PDE4D: variants seen among roughly 807,000 people sequenced by gnomAD.
PDE4D encodes the protein phosphodiesterase 4D, also known as 3',5'-cyclic-AMP phosphodiesterase 4D.
PDE4D carries 24 observed loss-of-function variants against 87.4 expected under a neutral mutation model. The observed-to-expected ratio is 0.27, with a 90% CI of 0.20 to 0.39. The LOEUF (loss-of-function observed/expected upper bound fraction) is 0.39. Among genes scored for constraint, PDE4D ranks in the 10% least tolerant of loss-of-function variants. The pLI is 1.00. For missense variants in PDE4D, 714 were observed against 1,041.0 expected, an observed-to-expected ratio of 0.69 and a Z score of 4.32; for synonymous variants, 384 against 383.2, an observed-to-expected ratio of 1.00 and a Z score of -0.02.
rs1382932617 is a variant in PDE4D at position 59,913,463 on chromosome 5, T to C, written c.272+75025A>G. ...AAATTACACATTCATAAGACTTCCA[T>C]TGGAGAGAGAAAAAGGAAGATATAC... On this transcript the variant is annotated intron_variant, in intron 3 of 16. Transcript: ENST00000502484. Among the ~76,000 whole-genome samples the C allele has an allele frequency of 3.9e-5, 6 of 152,104 alleles. No homozygotes were observed. The East Asian group carries it at 5.8e-4, about 15-fold the overall frequency.
chr5:59,212,618 T>A (rs1459099191), intron 2 of PDE4D, among the ~76,000 whole-genome samples: 4 of 152,076 alleles, frequency 2.6e-5, no homozygotes, highest in African/African-American at 9.7e-5. Context: ...AATATATGTA[T>A]ATATTTAATA....
chr5:59,619,073 CTT>C (rs755535467), intron 1 of PDE4D, among the ~76,000 whole-genome samples: 1 of 152,130 alleles, frequency 6.6e-6, no homozygotes, highest in Non-Finnish European at 1.5e-5. Flanking sequence ...ATATAAAAAA[CTT>C]TGGAGAATAC....
intron 1 of PDE4D, among the ~76,000 whole-genome samples, chr5:60,217,635 C>T (rs2149588572): frequency 6.6e-6 from 1 of 151,780 alleles, no homozygotes; most frequent in Middle Eastern, 3.4e-3. Context: ...AGGACACAGA[C>T]TGGAATCAGA....
intron 1 of PDE4D, among the ~76,000 whole-genome samples, chr5:59,554,315 A>G (rs1018611594): frequency 6.6e-6 from 1 of 152,078 alleles, no homozygotes; most frequent in African/African-American, 2.4e-5. Flanking sequence ...AATCTTCACA[A>G]CCACTTTATA....
At chr5:60,048,342 A>T (rs985403448) in intron 2 of PDE4D, among the ~76,000 whole-genome samples, 2 of 152,120 alleles carry the variant, frequency 1.3e-5, no homozygotes, top group Non-Finnish European at 2.9e-5. Context: ...GTGTCTTTTA[A>T]TTGGAGCATT....
intron 1 of PDE4D, among the ~76,000 whole-genome samples, chr5:60,238,942 G>A (rs555250262): frequency 6.6e-6 from 1 of 152,056 alleles, no homozygotes; most frequent in Admixed American, 6.6e-5. Context: ...AGGCCTTGGC[G>A]ATGATCTTGA....
At chr5:60,108,580 G>T (rs1343975413) in intron 2 of PDE4D, among the ~76,000 whole-genome samples, 1 of 152,132 alleles carries the variant, frequency 6.6e-6, no homozygotes, top group Non-Finnish European at 1.5e-5. Flanking sequence ...GAACAAAGCT[G>T]GAGGCATCAC....
intron 1 of PDE4D, among the ~76,000 whole-genome samples, chr5:59,249,329 C>T (rs1486087733): frequency 1.3e-5 from 2 of 152,036 alleles, no homozygotes; most frequent in African/African-American, 2.4e-5. Context: ...TGCAGCAGCA[C>T]AGTAAGATGA....
intron 1 of PDE4D, among the ~76,000 whole-genome samples, chr5:59,749,414 CCACCACGCCTGG>C (rs1760105132): frequency 6.6e-6 from 1 of 152,142 alleles, no homozygotes; most frequent in Non-Finnish European, 1.5e-5. Flanking sequence ...CAGGTGCCTG[CCACCACGCCTGG>C]CTGATTTTTG....
intron 1 of PDE4D, among the ~76,000 whole-genome samples, chr5:60,286,906 A>G (rs1310294244): frequency 6.6e-6 from 1 of 152,152 alleles, no homozygotes; most frequent in African/African-American, 2.4e-5. Flanking sequence ...CCACAAAGGG[A>G]TGAGAACTTC....
intron 1 of PDE4D, among the ~76,000 whole-genome samples, chr5:59,715,251 G>A (rs919237601): frequency 3.3e-5 from 5 of 152,224 alleles, no homozygotes; most frequent in African/African-American, 4.8e-5. Flanking sequence ...AGAGTACGCT[G>A]AGTACAAGTC....
rs759197521 is a variant in PDE4D, at chr5:59,215,870, C to T, written c.554G>A (p.Ser185Asn). ...ATACAGGAAGGACTCCCGTCGTTGACTGTGGACAAAATTTGCTTGGAGAAT... is the reference window on the plus strand; with the variant it reads ...ATACAGGAAGGACTCCCGTCGTTGATTGTGGACAAAATTTGCTTGGAGAAT... ...GLILQANFVH[S>N]QRRESFLYRS... Residue 185 changes from serine to asparagine, a missense_variant, in exon 2 of 15, where the codon AGT becomes AAT. This residue lies in a region of PDE4D where 268 missense variants were observed against 272.9 expected (regional missense o/e 0.98). Coordinates refer to ENST00000340635, the MANE Select transcript of PDE4D (RefSeq NM_001104631.2). 9.3e-6 allele frequency: 15 copies of T among 1,613,588 alleles called. 1 individual carries two copies. Among genetic ancestry groups the T allele is most frequent in the South Asian group, 2.2e-5 (2 of 91,094 alleles).
At chr5:60,148,182 G>C (rs1781182631) in intron 2 of PDE4D, among the ~76,000 whole-genome samples, 1 of 152,096 alleles carries the variant, frequency 6.6e-6, no homozygotes, top group Non-Finnish European at 1.5e-5. Flanking sequence ...CTTTTTTGGG[G>C]GTGGGGCAGG....
intron 1 of PDE4D, among the ~76,000 whole-genome samples, chr5:59,357,703 A>G (rs1182732451): frequency 6.6e-6 from 1 of 152,260 alleles, no homozygotes; most frequent in Non-Finnish European, 1.5e-5. Context: ...GATGAAAGCC[A>G]AATAGAATCC....
chr5:59,998,388 T>A (rs971010405), intron 2 of PDE4D, among the ~76,000 whole-genome samples: 4 of 152,154 alleles, frequency 2.6e-5, no homozygotes, highest in Admixed American at 1.3e-4. Context: ...GGTAAGTTTG[T>A]CCAGTTTTAA....
intron 1 of PDE4D, among the ~76,000 whole-genome samples, chr5:59,518,842 G>A (rs918834473): frequency 6.6e-6 from 1 of 152,122 alleles, no homozygotes; most frequent in Non-Finnish European, 1.5e-5. Context: ...ATTTAAAGAA[G>A]AAACTTTATA....
At chr5:59,604,744 T>A (rs548282957) in intron 1 of PDE4D, among the ~76,000 whole-genome samples, 9 of 152,152 alleles carry the variant, frequency 5.9e-5, no homozygotes, top group African/African-American at 2.2e-4. Context: ...TTTAAGATTT[T>A]TTTTAAAAGA....
chr5:60,029,013 T>A (rs1031384950), intron 2 of PDE4D, among the ~76,000 whole-genome samples: 4 of 152,242 alleles, frequency 2.6e-5, no homozygotes, highest in Admixed American at 6.5e-5. Context: ...TAGATACATA[T>A]CTGTCCTCCC....
At chr5:59,882,380 T>A (rs948315420) in intron 1 of PDE4D, among the ~76,000 whole-genome samples, 11 of 152,132 alleles carry the variant, frequency 7.2e-5, no homozygotes, top group Admixed American at 7.2e-4. Flanking sequence ...AATGTGTGTA[T>A]AGAAGAGTCC....
Sources: allele counts gnomAD v4.1 joint callset (sites outside exome capture counted in the v4.1 genomes callset), GRCh38; gene constraint gnomAD v4.1.1; regional missense constraint gnomAD v4.1.1; transcripts MANE v1.5; gene names NCBI Gene and HGNC (gene_info 2026-07-23, HGNC 2026-07-21).